MCF2L2: variants seen among roughly 807,000 people sequenced by gnomAD.
MCF2L2 encodes MCF.2 cell line derived transforming sequence-like 2.
Under a neutral mutation model 150.2 loss-of-function variants are expected in MCF2L2, and 102 were observed. The observed-to-expected ratio is 0.68, with a 90% CI of 0.58 to 0.80. The LOEUF is 0.80. MCF2L2 is among the 30% of genes least tolerant of loss of function. The pLI is 0.00. For missense variants in MCF2L2, 1,256 were observed against 1,372.8 expected (o/e 0.91, Z 1.34); for synonymous variants, 465 against 491.3 (o/e 0.95, Z 0.71).
chr3:183,405,663 A>C (rs1475786426), intron 1 of MCF2L2, among the ~76,000 whole-genome samples: 1 of 152,224 alleles, frequency 6.6e-6, no homozygotes, highest in Non-Finnish European at 1.5e-5. Flanking sequence ...GCCACTGGAC[A>C]GATGTACCTC....
chr3:183,262,060 G>A (rs1170420290), intron 15 of MCF2L2, among the ~76,000 whole-genome samples: 4 of 144,134 alleles, frequency 2.8e-5, no homozygotes, highest in Admixed American at 7.0e-5. Flanking sequence ...AATGAGGAAT[G>A]CATATATATT....
intron 5 of MCF2L2, among the ~76,000 whole-genome samples, chr3:183,327,943 G>A (rs1730118038): frequency 6.6e-6 from 1 of 152,164 alleles, no homozygotes; most frequent in South Asian, 2.1e-4. Flanking sequence ...TCACACCTGA[G>A]TTTACATGAA....
At chr3:183,405,038 T>C (rs1714970629) in intron 1 of MCF2L2, among the ~76,000 whole-genome samples, 1 of 152,182 alleles carries the variant, frequency 6.6e-6, no homozygotes, top group African/African-American at 2.4e-5. Flanking sequence ...TCTATGGAGA[T>C]GTCTTAATAG....
chr3:183,228,383 A>G lies in MCF2L2; in HGVS notation c.2046-17T>C. The G allele has an allele frequency of 6.5e-7, 1 of 1,546,100 alleles. No homozygotes were observed. Among genetic ancestry groups the G allele is most frequent in the Non-Finnish European group, 8.9e-7 (1 of 1,119,436 alleles). On this transcript the variant is annotated splice_polypyrimidine_tract_variant and intron_variant, in intron 17 of 29. Transcript: ENST00000328913. ...AGAAAAGTCCTAGAAAAATAAAAGT[A>G]TACAAGTAATAATGTTTTGATTTTG...
rs1726315959 is a variant in MCF2L2 at position 183,267,898 on chromosome 3, G to A, written c.1862+8974C>T. Among the ~76,000 whole-genome samples the A allele has an allele frequency of 6.6e-6, 1 of 152,284 alleles. No individual in the cohort carries two copies. The highest frequency in any genetic ancestry group is 1.5e-5 in the Non-Finnish European group (1 of 68,026). ...AAACAGTGGCTCCACCCCCGGCATG[G>A]TTCTTTGCACCAACATTTGGGGAAT... On this transcript the variant is annotated intron_variant, in intron 15 of 29. Transcript: ENST00000328913. This position sits in a 1 kb window ranked among gnomAD's most constrained non-coding sequence, Gnocchi z 5.5.
At chr3:183,189,737 C>A (rs1166902421) in intron 27 of MCF2L2, among the ~76,000 whole-genome samples, 3 of 152,242 alleles carry the variant, frequency 2.0e-5, no homozygotes, top group Non-Finnish European at 4.4e-5. Flanking sequence ...AAATCTACGG[C>A]TGCCGCCTGC....
intron 25 of MCF2L2, among the ~76,000 whole-genome samples, chr3:183,205,145 C>A (rs571064409): frequency 6.6e-6 from 1 of 152,290 alleles, no homozygotes; most frequent in Admixed American, 6.5e-5. Flanking sequence ...CTTTGGGAGG[C>A]CGAGGCAGGC....
intron 10 of MCF2L2, among the ~76,000 whole-genome samples, chr3:183,302,222 T>C (rs1177448166): frequency 6.6e-6 from 1 of 152,190 alleles, no homozygotes; most frequent in Non-Finnish European, 1.5e-5. Context: ...CTCGCATGCC[T>C]TTCTCCTTTG....
At chr3:183,269,654 T>C in intron 15 of MCF2L2, 3 of 729,240 alleles carry the variant, frequency 4.1e-6, no homozygotes, top group Non-Finnish European at 6.5e-6. Flanking sequence ...AAAGAAACTA[T>C]TTTGTAAAAT....
At chr3:183,392,064 T>C (rs2108601037) in intron 1 of MCF2L2, among the ~76,000 whole-genome samples, 1 of 152,280 alleles carries the variant, frequency 6.6e-6, no homozygotes, top group Middle Eastern at 3.4e-3. Flanking sequence ...AGCAAGCATA[T>C]TTCAGAGATG....
intron 26 of MCF2L2, 130 bp downstream of exon 26, chr3:183,195,092 T>A (rs970744495): frequency 2.0e-5 from 16 of 810,138 alleles, no homozygotes; most frequent in Middle Eastern, 2.4e-4. Flanking sequence ...CAATATTTTT[T>A]AAAAATTGGA....
chr3:183,383,176 ACT>A (rs1412435515), intron 2 of MCF2L2, among the ~76,000 whole-genome samples: 16 of 151,402 alleles, frequency 1.1e-4, no homozygotes, highest in African/African-American at 3.9e-4. Flanking sequence ...CTGAACCTAG[ACT>A]CTGTTTTTAC....
intron 1 of MCF2L2, among the ~76,000 whole-genome samples, chr3:183,403,426 G>A (rs182951557): frequency 1.7e-3 from 259 of 152,348 alleles, no homozygotes; most frequent in Non-Finnish European, 2.6e-3. Flanking sequence ...AGAGTAGAAA[G>A]CAATTCCACT....
At chr3:183,317,488 C>T (rs1729647622) in intron 7 of MCF2L2, among the ~76,000 whole-genome samples, 1 of 152,132 alleles carries the variant, frequency 6.6e-6, no homozygotes, top group Admixed American at 6.5e-5. Context: ...CGTGCTTTTA[C>T]GAATCATTTA....
chr3:183,323,172 C>T (rs878979067), intron 6 of MCF2L2, 63 bp downstream of exon 6: 7 of 1,217,906 alleles, frequency 5.7e-6, no homozygotes, highest in Non-Finnish European at 8.2e-6. Flanking sequence ...TCTTTAACTC[C>T]CCCACCCCAT....
intron 3 of MCF2L2, among the ~76,000 whole-genome samples, chr3:183,356,670 A>C (rs1404262430): frequency 1.3e-5 from 2 of 152,186 alleles, no homozygotes; most frequent in African/African-American, 2.4e-5. Context: ...GAGCTACCCA[A>C]TTGCAAAGGA....
Position 183,296,971 on chromosome 3 carries a change from A to G in MCF2L2, c.1497+5T>C, listed in dbSNP as rs751347989. ...CACAGGATCAAAATAACCCGGAAGC[A>G]TTACCTTTGCATCGAGGGTGAGCAG... On this transcript the variant is annotated splice_donor_5th_base_variant and intron_variant, in intron 12 of 29. Transcript: ENST00000328913. 5.0e-6 allele frequency: 8 copies of G among 1,612,312 alleles called. No homozygotes were observed. The highest frequency in any genetic ancestry group is 1.7e-4 in the Middle Eastern group (1 of 6,060).
chr3:183,221,035 C>T (rs1416417817), intron 20 of MCF2L2, among the ~76,000 whole-genome samples: 1 of 152,190 alleles, frequency 6.6e-6, no homozygotes, highest in Non-Finnish European at 1.5e-5. Flanking sequence ...AACATTCATG[C>T]TCTTTCAAGC....
In MCF2L2 at chr3:183,267,287, T is replaced by C. The variant is rs1462627263; in HGVS notation, c.1862+9585A>G. On this transcript the variant is annotated intron_variant, in intron 15 of 29. Coordinates refer to ENST00000328913, the MANE Select transcript of MCF2L2 (RefSeq NM_015078.4). This position sits in a 1 kb window ranked among gnomAD's most constrained non-coding sequence, Gnocchi z 5.5. Reference sequence around the variant, plus strand: ...CAAATCAATGCCCTTGGCGATAAAGTGTGCCCTATACTGATTATCTCTGGA... The same window carrying C: ...CAAATCAATGCCCTTGGCGATAAAGCGTGCCCTATACTGATTATCTCTGGA... Among the ~76,000 whole-genome samples the C allele has an allele frequency of 6.6e-6, 1 of 152,208 alleles. No homozygotes were observed. The highest frequency in any genetic ancestry group is 1.5e-5 in the Non-Finnish European group (1 of 68,036).
Sources: gnomAD v4.1 joint callset for allele counts (sites outside exome capture counted in the v4.1 genomes callset) on GRCh38, gnomAD v4.1.1 for gene constraint, Gnocchi (gnomAD v3.1) non-coding constraint, MANE v1.5 for transcripts, NCBI Gene and HGNC (gene_info 2026-07-23, HGNC 2026-07-21) for gene names.